Variants in DNM3 observed in about 807,000 individuals in gnomAD.
DNM3 encodes the protein dynamin-3.
A neutral mutation model predicts 101.6 loss-of-function variants in DNM3; 47 were observed. The observed-to-expected ratio is 0.46, with a 90% CI of 0.37 to 0.59. The LOEUF (loss-of-function observed/expected upper bound fraction) is 0.59, where lower values mean the gene tolerates loss of function less well. DNM3 is among the 20% of genes least tolerant of loss of function. The probability of loss-of-function intolerance (pLI) is 0.00; values close to 1 mark genes in which losing one functional copy is unlikely to be tolerated. For missense variants in DNM3, 849 were observed against 1,085.7 expected, an observed-to-expected ratio of 0.78 and a Z score of 3.06; for synonymous variants, 385 against 387.9, an observed-to-expected ratio of 0.99 and a Z score of 0.09.
chr1:172,277,725 G>A (rs2254720), intron 15 of DNM3, among the ~76,000 whole-genome samples: 15,074 of 151,920 alleles, frequency 0.099, 1,268 homozygotes, highest in African/African-American at 0.23. Flanking sequence ...TGAAAATAGC[G>A]AAAGCATTAG....
chr1:171,852,501 G>A (rs927497367), intron 1 of DNM3, among the ~76,000 whole-genome samples: 5 of 152,204 alleles, frequency 3.3e-5, no homozygotes, highest in Admixed American at 6.5e-5. Context: ...GTGATCCAGT[G>A]GGTACAGGAT....
At chr1:172,068,623 A>G (rs1050473490) in intron 10 of DNM3, among the ~76,000 whole-genome samples, 196 bp from the exon 11 acceptor site, 1 of 152,166 alleles carries the variant, frequency 6.6e-6, no homozygotes. Flanking sequence ...CCTCAACATA[A>G]CAAGGTTACT....
rs2065409990 is a variant in DNM3, at chr1:172,317,073, G to T, written c.1882-6256G>T. On this transcript the variant is annotated intron_variant, in intron 16 of 20. Transcript: ENST00000627582. ...ACAGTGCAATCAAACTAGAACTCAGGATTAAGAAACTCACTCAAAACCGCT... is the reference window on the plus strand; with the variant it reads ...ACAGTGCAATCAAACTAGAACTCAGTATTAAGAAACTCACTCAAAACCGCT... Among the ~76,000 whole-genome samples the T allele has an allele frequency of 2.6e-5, 4 of 151,880 alleles. No homozygotes were observed. In the South Asian group the frequency reaches 8.3e-4, roughly 32 times the overall value.
chr1:172,199,999 G>A (rs1331935350), intron 14 of DNM3, among the ~76,000 whole-genome samples: 1 of 152,012 alleles, frequency 6.6e-6, no homozygotes, highest in Non-Finnish European at 1.5e-5. Flanking sequence ...GCTTTACAGT[G>A]ACACTGGTCC....
chr1:172,288,749 T>C (rs774705806), intron 15 of DNM3, among the ~76,000 whole-genome samples: 11 of 152,152 alleles, frequency 7.2e-5, no homozygotes, highest in Admixed American at 1.3e-4. Flanking sequence ...TGCCATTTAC[T>C]AGTAGGAGGG....
chr1:172,147,617 T>C (rs892012626), intron 14 of DNM3, among the ~76,000 whole-genome samples: 1 of 152,166 alleles, frequency 6.6e-6, no homozygotes, highest in Non-Finnish European at 1.5e-5. Flanking sequence ...TGAGGCTTCT[T>C]TCTGTGTACC....
chr1:172,133,287 C>A, intron 14 of DNM3: 1 of 1,042,160 alleles, frequency 9.6e-7, no homozygotes, highest in Non-Finnish European at 1.2e-6. Context: ...CATCTCCTCT[C>A]CTCCAGACTC....
intron 15 of DNM3, among the ~76,000 whole-genome samples, chr1:172,257,961 G>T (rs892632834): frequency 2.0e-5 from 3 of 151,060 alleles, no homozygotes; most frequent in Non-Finnish European, 4.4e-5. Context: ...CCACCGTCTG[G>T]TATATATCAT....
At chr1:172,125,822 T>C (rs1572621514) in intron 13 of DNM3, among the ~76,000 whole-genome samples, 1 of 152,198 alleles carries the variant, frequency 6.6e-6, no homozygotes, top group East Asian at 1.9e-4. Context: ...TAGATTTATT[T>C]TGGCAGTTTT....
Position 172,411,050 on chromosome 1 carries a change from C to T in DNM3, c.*3209C>T. The T allele has an allele frequency of 1.0e-6, 1 of 984,958 alleles. No homozygotes were observed. The highest frequency in any genetic ancestry group is 1.7e-5 in the African/African-American group (1 of 57,222). 61.0% of individuals were successfully genotyped at this position (984,958 alleles called of 1,614,324 possible). A position where few individuals can be genotyped will look rare whatever the true frequency, so the allele number is the denominator to read the frequency against. The stretch of plus-strand genomic sequence containing the variant: ...GTTTTAAAAATACTAGTTAAAATGC[C>T]ACAAGCATGAGTGTGATTGTATGTG... On this transcript the variant is annotated 3_prime_UTR_variant, in exon 21 of 21. Coordinates refer to ENST00000627582, the MANE Select transcript of DNM3 (RefSeq NM_015569.5).
intron 14 of DNM3, among the ~76,000 whole-genome samples, chr1:172,156,898 T>G (rs1013659440): frequency 2.0e-5 from 3 of 152,094 alleles, no homozygotes; most frequent in Admixed American, 2.0e-4. Context: ...GTTAATTCAC[T>G]CTGTGTTACA....
rs75300155 is a variant in DNM3, at chr1:172,295,163, C to T, written c.1770-13565C>T. 3.4e-3 allele frequency among the ~76,000 whole-genome samples: 513 copies of T among 152,222 alleles called. 22 individuals are homozygous for T. In the East Asian group the frequency reaches 0.089, roughly 26 times the overall value. On this transcript the variant is annotated intron_variant, in intron 15 of 20. Coordinates refer to ENST00000627582, the MANE Select transcript of DNM3 (RefSeq NM_015569.5). The stretch of plus-strand genomic sequence containing the variant: ...AAACAAGAAGACAACCCAAAGAAGC[C>T]TCTATGTTTCTTCACTACATCAACT...
intron 2 of DNM3, among the ~76,000 whole-genome samples, chr1:171,926,349 T>C (rs1317226736): frequency 6.6e-6 from 1 of 152,220 alleles, no homozygotes; most frequent in African/African-American, 2.4e-5. Flanking sequence ...TCCATGAGCA[T>C]GGGATGTTTT....
chr1:171,960,818 G>A (rs1442409336), intron 2 of DNM3, among the ~76,000 whole-genome samples: 3 of 152,286 alleles, frequency 2.0e-5, no homozygotes, highest in South Asian at 2.1e-4. Context: ...AAGAAAAAAA[G>A]CAGGATGGGG....
chr1:171,955,225 G>T (rs1323906131), intron 2 of DNM3, among the ~76,000 whole-genome samples: 2 of 152,176 alleles, frequency 1.3e-5, no homozygotes, highest in South Asian at 2.1e-4. Context: ...TTGGCTAAAT[G>T]AACTGCTTAA....
intron 2 of DNM3, among the ~76,000 whole-genome samples, chr1:171,956,095 A>T (rs1325106022): frequency 6.6e-6 from 1 of 152,140 alleles, no homozygotes; most frequent in African/African-American, 2.4e-5. Context: ...CAAACATATC[A>T]TTCTGCTCCT....
intron 2 of DNM3, among the ~76,000 whole-genome samples, chr1:171,963,203 G>A (rs555355724): frequency 6.6e-6 from 1 of 152,216 alleles, no homozygotes; most frequent in African/African-American, 2.4e-5. Context: ...ATATTGTTGA[G>A]TGCTAAAAAG....
At chr1:171,892,623 C>T (rs1385851049) in intron 1 of DNM3, among the ~76,000 whole-genome samples, 7 of 152,194 alleles carry the variant, frequency 4.6e-5, no homozygotes, top group African/African-American at 7.2e-5. Context: ...CTTAATTGTT[C>T]ATTTATGTAT....
intron 14 of DNM3, among the ~76,000 whole-genome samples, chr1:172,225,264 G>A (rs534630081): frequency 4.8e-5 from 7 of 145,072 alleles, no homozygotes; most frequent in South Asian, 4.6e-4. Flanking sequence ...TCAGCCTCCC[G>A]AGTAGCTGGG....
Sources: allele counts gnomAD v4.1 joint callset (sites outside exome capture counted in the v4.1 genomes callset), GRCh38; gene constraint gnomAD v4.1.1; transcripts MANE v1.5; gene names NCBI Gene and HGNC (gene_info 2026-07-23, HGNC 2026-07-21).